The following SLC25A26 variants were observed in gnomAD, a reference collection of about 807,000 sequenced individuals.
The protein encoded by SLC25A26 is mitochondrial S-adenosylmethionine carrier protein.
Under a neutral mutation model 37.8 loss-of-function variants are expected in SLC25A26, and 36 were observed. The ratio of observed to expected loss-of-function variants is 0.95; its 90% confidence interval spans 0.73 to 1.26. The LOEUF (loss-of-function observed/expected upper bound fraction) is 1.26. Among genes scored for constraint, SLC25A26 ranks in the 50% most tolerant of loss-of-function variants. The pLI is 0.00. For synonymous variants in SLC25A26, 129 were observed against 122.5 expected (o/e 1.05, Z -0.35); for missense variants, 390 against 331.1 (o/e 1.18, Z -1.38).
intron 5 of SLC25A26, among the ~76,000 whole-genome samples, chr3:66,320,188 A>G (rs778040655): frequency 6.6e-6 from 1 of 152,158 alleles, no homozygotes; most frequent in Non-Finnish European, 1.5e-5. Flanking sequence ...GTGTTGTGCA[A>G]CCATGATCAC....
chr3:66,338,220 C>T (rs553913428), intron 5 of SLC25A26, among the ~76,000 whole-genome samples: 19 of 152,054 alleles, frequency 1.2e-4, no homozygotes, highest in African/African-American at 4.6e-4. Flanking sequence ...TATATGAATA[C>T]ACCACAATTT....
At chr3:66,330,694 A>G (rs929937066) in intron 5 of SLC25A26, among the ~76,000 whole-genome samples, 5 of 152,058 alleles carry the variant, frequency 3.3e-5, no homozygotes, top group Admixed American at 2.0e-4. Flanking sequence ...GAAGTTTGTA[A>G]ACTGCTGAAA....
intron 5 of SLC25A26, among the ~76,000 whole-genome samples, chr3:66,306,284 T>G (rs951958506): frequency 6.6e-6 from 1 of 152,232 alleles, no homozygotes; most frequent in African/African-American, 2.4e-5. Context: ...CTGGTCTGTT[T>G]CTTAACTTTG....
At chr3:66,346,273 G>C (rs955603754) in intron 5 of SLC25A26, 91 bp from the exon 6 acceptor site, 1 of 603,562 alleles carries the variant, frequency 1.7e-6, no homozygotes, top group African/African-American at 1.9e-5. Context: ...TTGTTATAAA[G>C]TTGAAATAAT....
intron 9 of SLC25A26, chr3:66,371,383 G>A: frequency 6.6e-7 from 1 of 1,522,644 alleles, no homozygotes; most frequent in Admixed American, 2.0e-5. Flanking sequence ...TTTAATCTCA[G>A]CTATTTGATG....
At chr3:66,339,394 T>C (rs1254702745) in intron 5 of SLC25A26, among the ~76,000 whole-genome samples, 1 of 152,076 alleles carries the variant, frequency 6.6e-6, no homozygotes. Flanking sequence ...TACCTAGAAA[T>C]GGAATTGCTG....
At chr3:66,212,065 A>G (rs878861974) in intron 1 of SLC25A26, among the ~76,000 whole-genome samples, 86,002 of 152,138 alleles carry the variant, frequency 0.57, 27,089 homozygotes, top group Middle Eastern at 0.82. Context: ...TGAGTGAGAG[A>G]CTACATTCAC....
At chr3:66,352,435 G>GTTTTTTTTT (rs376280552) in intron 6 of SLC25A26, among the ~76,000 whole-genome samples, 3 of 131,176 alleles carry the variant, frequency 2.3e-5, no homozygotes, top group African/African-American at 9.3e-5. Flanking sequence ...TTTGTTTTTT[G>GTTTTTTTTT]TTTTTTGTTT....
rs547883708 is a variant in SLC25A26 at position 66,326,578 on chromosome 3, C to T, written c.454-19786C>T. ...GTGGTGTCAAGTGGCATGTGCTCCA[C>T]GGGAGAAGTCTCCCTGCAGACACAG... On this transcript the variant is annotated intron_variant, in intron 5 of 9. Transcript: ENST00000354883. Among the ~76,000 whole-genome samples, 7 of 152,316 alleles carry T rather than the reference C, an allele frequency of 4.6e-5. No homozygotes were observed. In the East Asian group the frequency reaches 9.7e-4, roughly 21 times the overall value.
chr3:66,134,876 G>A (rs2069923962), intron 1 of SLC25A26, among the ~76,000 whole-genome samples: 1 of 151,508 alleles, frequency 6.6e-6, no homozygotes, highest in South Asian at 2.1e-4. Flanking sequence ...TGTCACCCAG[G>A]CTGTAGTGCA....
chr3:66,221,674 G>A (rs1473924809), intron 1 of SLC25A26, among the ~76,000 whole-genome samples: 1 of 151,746 alleles, frequency 6.6e-6, no homozygotes, highest in Non-Finnish European at 1.5e-5. Flanking sequence ...CGGGAACGCT[G>A]CGGAGTCAAT....
chr3:66,244,970 C>G (rs1226607447), intron 3 of SLC25A26, among the ~76,000 whole-genome samples: 1 of 152,092 alleles, frequency 6.6e-6, no homozygotes, highest in East Asian at 1.9e-4. Context: ...GAGCGAGACT[C>G]TGTCTCAAAA....
intron 5 of SLC25A26, among the ~76,000 whole-genome samples, chr3:66,280,661 A>T (rs1012114806): frequency 7.2e-5 from 11 of 151,952 alleles, no homozygotes; most frequent in African/African-American, 2.7e-4. Flanking sequence ...TAGTAACACC[A>T]CCTTTTTCTT....
chr3:66,134,356 T>C (rs750827444), intron 1 of SLC25A26, among the ~76,000 whole-genome samples: 3 of 152,212 alleles, frequency 2.0e-5, no homozygotes, highest in Non-Finnish European at 4.4e-5. Context: ...CTTTGCTGGG[T>C]TCACTAAGTT....
At chr3:66,142,897 G>C (rs2070056726) in intron 1 of SLC25A26, among the ~76,000 whole-genome samples, 1 of 152,076 alleles carries the variant, frequency 6.6e-6, no homozygotes, top group South Asian at 2.1e-4. Flanking sequence ...CTGAGTAGCT[G>C]GGATTACAGG....
At chr3:66,192,210 G>A (rs2070956886) in intron 1 of SLC25A26, among the ~76,000 whole-genome samples, 1 of 151,334 alleles carries the variant, frequency 6.6e-6, no homozygotes, top group Non-Finnish European at 1.5e-5. Flanking sequence ...CAGCTACTCA[G>A]GAGGCTGAGG....
intron 1 of SLC25A26, among the ~76,000 whole-genome samples, chr3:66,190,516 C>T (rs2070920145): frequency 6.6e-6 from 1 of 152,192 alleles, no homozygotes; most frequent in Non-Finnish European, 1.5e-5. Context: ...ACAACCTCTG[C>T]CTCCTGGGTT....
upstream of SLC25A26, among the ~76,000 whole-genome samples, chr3:66,217,881 C>T (rs1424763982): frequency 6.6e-6 from 1 of 152,174 alleles, no homozygotes; most frequent in Non-Finnish European, 1.5e-5. Flanking sequence ...TACAACCATT[C>T]TAATTGTGCA....
chr3:66,134,136 C>G (rs1168853945), intron 1 of SLC25A26, among the ~76,000 whole-genome samples: 1 of 152,184 alleles, frequency 6.6e-6, no homozygotes, highest in Non-Finnish European at 1.5e-5. Context: ...AAAAACAAAA[C>G]AGGGATAACT....
Sources: allele counts gnomAD v4.1 joint callset (sites outside exome capture counted in the v4.1 genomes callset), GRCh38; gene constraint gnomAD v4.1.1; transcripts MANE v1.5; gene names NCBI Gene and HGNC (gene_info 2026-07-23, HGNC 2026-07-21).